MCTP1: variants seen among roughly 807,000 people sequenced by gnomAD.
MCTP1 encodes multiple C2 and transmembrane domain-containing protein 1.
Under a neutral mutation model 120.6 loss-of-function variants are expected in MCTP1, and 69 were observed. The ratio of observed to expected loss-of-function variants is 0.57; its 90% confidence interval spans 0.47 to 0.70. MCTP1 has a LOEUF of 0.70. Among genes scored for constraint, MCTP1 ranks in the 30% least tolerant of loss-of-function variants. The probability of loss-of-function intolerance (pLI) is 0.00; values close to 1 mark genes in which losing one functional copy is unlikely to be tolerated. For synonymous variants in MCTP1, 529 were observed against 493.1 expected, an observed-to-expected ratio of 1.07 and a Z score of -0.96; for missense variants, 1,203 against 1,248.8, an observed-to-expected ratio of 0.96 and a Z score of 0.55.
intron 1 of MCTP1, among the ~76,000 whole-genome samples, chr5:95,172,815 G>C (rs1272797370): frequency 6.6e-6 from 1 of 152,088 alleles, no homozygotes; most frequent in Non-Finnish European, 1.5e-5. Context: ...CTTATGGTAG[G>C]GGCAGTGTTA....
Position 94,834,361 on chromosome 5 carries a change from CT to C in MCTP1, c.2436+33971del, listed in dbSNP as rs575541635. On this transcript the variant is annotated intron_variant, in intron 17 of 22. Transcript: ENST00000515393. ...TATCACTCTACATAACTAGCTGTCCCTTTTGAATATTCAAACATATTCTAGA... is the reference window on the plus strand; with the variant it reads ...TATCACTCTACATAACTAGCTGTCCCTTTGAATATTCAAACATATTCTAGA... Among the ~76,000 whole-genome samples the C allele has an allele frequency of 5.4e-3, 819 of 152,246 alleles. 7 individuals carry two copies. The highest frequency in any genetic ancestry group is 0.019 in the African/African-American group (771 of 41,544).
intron 7 of MCTP1, among the ~76,000 whole-genome samples, chr5:94,923,066 T>C (rs1812112253): frequency 6.7e-6 from 1 of 149,962 alleles, no homozygotes; most frequent in Admixed American, 6.6e-5. Context: ...ATGTGGCGTA[T>C]ACTTGCTCAC....
chr5:94,881,870 A>G (rs1482086382), intron 12 of MCTP1, among the ~76,000 whole-genome samples: 2 of 152,148 alleles, frequency 1.3e-5, no homozygotes, highest in Non-Finnish European at 2.9e-5. Flanking sequence ...ATACCAGTTG[A>G]AAATATATTC....
intron 1 of MCTP1, among the ~76,000 whole-genome samples, chr5:95,155,591 A>C (rs60872373): frequency 8.7e-4 from 133 of 152,326 alleles, no homozygotes; most frequent in African/African-American, 2.6e-3. Flanking sequence ...TAACAAAAAA[A>C]AAAGTAAAGA....
At chr5:95,155,610 C>A (rs1194693708) in intron 1 of MCTP1, among the ~76,000 whole-genome samples, 1 of 151,980 alleles carries the variant, frequency 6.6e-6, no homozygotes, top group Non-Finnish European at 1.5e-5. Context: ...GAGTTACAAT[C>A]CAGTTTAGGA....
At chr5:95,148,303 A>C (rs991721972) in intron 1 of MCTP1, among the ~76,000 whole-genome samples, 1 of 93,056 alleles carries the variant, frequency 1.1e-5, no homozygotes, top group African/African-American at 3.6e-5. Context: ...TATGTTTTCC[A>C]AGTTGCTTAC....
intron 20 of MCTP1, among the ~76,000 whole-genome samples, chr5:94,711,745 A>AGGAGAT (rs948898504): frequency 2.0e-5 from 3 of 151,666 alleles, no homozygotes; most frequent in African/African-American, 7.3e-5. Flanking sequence ...AAAAGTACTG[A>AGGAGAT]GGAGATGGGA....
At chr5:95,203,262 A>G (rs1369583920) in intron 1 of MCTP1, among the ~76,000 whole-genome samples, 1 of 152,156 alleles carries the variant, frequency 6.6e-6, no homozygotes, top group Non-Finnish European at 1.5e-5. Context: ...GTCCTTAAAC[A>G]CTTTTGCTCT....
At chr5:94,954,031 T>C (rs1202739066) in intron 2 of MCTP1, among the ~76,000 whole-genome samples, 1 of 80,952 alleles carries the variant, frequency 1.2e-5, no homozygotes, top group Non-Finnish European at 2.3e-5. Flanking sequence ...TGCATATATA[T>C]ACAAATATAT....
intron 1 of MCTP1, among the ~76,000 whole-genome samples, chr5:95,137,455 A>C (rs193034399): frequency 4.8e-4 from 73 of 152,352 alleles, no homozygotes; most frequent in African/African-American, 1.7e-3. Flanking sequence ...TATCATCATT[A>C]AACAGTATCC....
Position 95,284,066 on chromosome 5 carries a change from G to A in MCTP1, c.510C>T (p.Pro170=), listed in dbSNP as rs912235995. The change falls in exon 1 of 23, where the codon CCC becomes CCT. Residue 170 remains proline, a synonymous_variant. Transcript: ENST00000515393. The surrounding 1 kb of genome is among the most constrained non-coding windows in gnomAD (Gnocchi z 5.2). ...SSASSSLSSS[P]QPPPRGDRAR... Reference sequence around the variant, plus strand: ...CGCGGTCCCCCCTCGGGGGAGGCTGGGGCGAGGAGGACAGGGAGGATGAGG... The same window carrying A: ...CGCGGTCCCCCCTCGGGGGAGGCTGAGGCGAGGAGGACAGGGAGGATGAGG... 6.5e-7 allele frequency: 1 copy of A among 1,541,682 alleles called. No individual in the cohort carries two copies. The highest frequency in any genetic ancestry group is 8.7e-7 in the Non-Finnish European group (1 of 1,143,614).
intron 1 of MCTP1, among the ~76,000 whole-genome samples, chr5:95,194,801 C>A (rs1280371251): frequency 2.0e-5 from 3 of 152,140 alleles, no homozygotes; most frequent in African/African-American, 7.2e-5. Flanking sequence ...GGATGACATA[C>A]AATGGAACCT....
chr5:94,751,975 G>A (rs1488231641), intron 19 of MCTP1, among the ~76,000 whole-genome samples: 2 of 139,500 alleles, frequency 1.4e-5, no homozygotes, highest in South Asian at 2.5e-4. Context: ...CAGGGAGGGG[G>A]GAGGGTTAGC....
At position 95,284,180 on chromosome 5, in the gene MCTP1, G is replaced by A. The variant is rs1049209837; in HGVS notation, c.396C>T (p.Ala132=). The part of the protein sequence containing the change: ...RRRIREHLLP[A]VKGPAAASGA... ...CCGAGGCCGCCGCGGGCCCCTTTAC[G>A]GCGGGGAGCAAATGCTCGCGGATCC... The change falls in exon 1 of 23, where the codon GCC becomes GCT. Residue 132 remains alanine, a synonymous_variant. Transcript: ENST00000515393. The surrounding 1 kb of genome is among the most constrained non-coding windows in gnomAD (Gnocchi z 5.2). 6 of 1,549,154 alleles carry A rather than the reference G, an allele frequency of 3.9e-6. No homozygotes were observed. Among genetic ancestry groups the A allele is most frequent in the Non-Finnish European group, 5.2e-6 (6 of 1,148,374 alleles).
At chr5:95,055,645 T>G (rs957414008) in intron 1 of MCTP1, among the ~76,000 whole-genome samples, 1 of 152,188 alleles carries the variant, frequency 6.6e-6, no homozygotes, top group African/African-American at 2.4e-5. Flanking sequence ...TTTTGCATGC[T>G]CCTAAGAAGT....
At chr5:94,740,607 A>G (rs1205870319) in intron 19 of MCTP1, among the ~76,000 whole-genome samples, 1 of 152,220 alleles carries the variant, frequency 6.6e-6, no homozygotes, top group Non-Finnish European at 1.5e-5. Context: ...TAATATGAAT[A>G]GAGACATTAT....
At chr5:94,954,172 ATATATATATGCAT>A (rs1821879192) in intron 2 of MCTP1, among the ~76,000 whole-genome samples, 3 of 38,976 alleles carry the variant, frequency 7.7e-5, no homozygotes, top group African/African-American at 1.2e-4. Flanking sequence ...ATATATACAT[ATATATATATGCAT>A]ATATATATAT....
chr5:95,125,269 T>C (rs1290147365), intron 1 of MCTP1, among the ~76,000 whole-genome samples: 2 of 152,256 alleles, frequency 1.3e-5, no homozygotes, highest in East Asian at 1.9e-4. Flanking sequence ...TATATATTTG[T>C]TAACTTCCAA....
At chr5:94,788,640 G>T (rs1451250671) in intron 18 of MCTP1, 1 of 152,212 alleles carries the variant, frequency 6.6e-6, no homozygotes, top group Non-Finnish European at 1.5e-5. Flanking sequence ...AAGGTCATGA[G>T]TCAGGCCGAA....
Sources: gnomAD v4.1 joint callset for allele counts (sites outside exome capture counted in the v4.1 genomes callset) on GRCh38, gnomAD v4.1.1 for gene constraint, Gnocchi (gnomAD v3.1) non-coding constraint, MANE v1.5 for transcripts, NCBI Gene and HGNC (gene_info 2026-07-23, HGNC 2026-07-21) for gene names.